The following PTPRG variants were observed in gnomAD, a reference collection of about 807,000 sequenced individuals.
PTPRG encodes the protein receptor-type tyrosine-protein phosphatase gamma.
Under a neutral mutation model 165.3 loss-of-function variants are expected in PTPRG, and 102 were observed. That is an observed-to-expected ratio of 0.62 (90% CI 0.53 to 0.73). PTPRG has a LOEUF of 0.73. PTPRG is among the 30% of genes least tolerant of loss of function. The pLI is 0.00. For missense variants in PTPRG, 1,866 were observed against 1,861.4 expected (o/e 1.00, Z -0.05); for synonymous variants, 675 against 669.5 (o/e 1.01, Z -0.13).
At chr3:61,610,951 T>C (rs1202486174) in intron 1 of PTPRG, among the ~76,000 whole-genome samples, 2 of 152,100 alleles carry the variant, frequency 1.3e-5, no homozygotes, top group African/African-American at 4.8e-5. Context: ...TCACTACATG[T>C]GTGTGCCACC....
intron 3 of PTPRG, among the ~76,000 whole-genome samples, chr3:61,997,086 C>G (rs7653099): frequency 0.011 from 1,710 of 152,302 alleles, 22 homozygotes; most frequent in African/African-American, 0.039. Context: ...CCACCTTGTT[C>G]ATCTCACTCA....
At chr3:61,991,998 G>A (rs2040904410) in intron 3 of PTPRG, among the ~76,000 whole-genome samples, 1 of 152,286 alleles carries the variant, frequency 6.6e-6, no homozygotes, top group Middle Eastern at 3.4e-3. Flanking sequence ...ATCTCTGAGT[G>A]CATGCACTTG....
At chr3:62,084,499 A>AG (rs1289414076) in intron 5 of PTPRG, among the ~76,000 whole-genome samples, 1 of 139,234 alleles carries the variant, frequency 7.2e-6, no homozygotes, top group African/African-American at 3.4e-5. Flanking sequence ...TTCAGAACTC[A>AG]AATGCTTTGC....
chr3:61,672,367 G>T (rs1703035448), intron 1 of PTPRG, among the ~76,000 whole-genome samples: 1 of 142,434 alleles, frequency 7.0e-6, no homozygotes, highest in Non-Finnish European at 1.5e-5. Context: ...GCCAAGGCAG[G>T]CTGCTGGGAG....
intron 2 of PTPRG, among the ~76,000 whole-genome samples, chr3:61,870,965 CA>C (rs1415733498): frequency 2.0e-5 from 3 of 152,002 alleles, no homozygotes; most frequent in Non-Finnish European, 4.4e-5. Context: ...ATATTCGAAT[CA>C]GGGGTTTCAG....
rs1421168107 is a variant in PTPRG at position 61,739,417 on chromosome 3, C to G, written c.86-9461C>G. On this transcript the variant is annotated intron_variant, in intron 1 of 29. Transcript: ENST00000474889. ...TTGTTACATTTTTAGTTTTATGAGG[C>G]TCATGTAGAAATTTTTCACTTGTGA... Among the ~76,000 whole-genome samples, 3 of 152,114 alleles carry G rather than the reference C, an allele frequency of 2.0e-5. No homozygotes were observed. In the East Asian group the frequency reaches 5.8e-4, roughly 29 times the overall value.
chr3:61,777,482 A>T (rs1457820855), intron 2 of PTPRG, among the ~76,000 whole-genome samples: 1 of 152,222 alleles, frequency 6.6e-6, no homozygotes, highest in Non-Finnish European at 1.5e-5. Flanking sequence ...CCCTGGGAAT[A>T]CCAAGATGCA....
At chr3:62,202,345 G>A (rs1700113667) in intron 11 of PTPRG, among the ~76,000 whole-genome samples, 1 of 152,180 alleles carries the variant, frequency 6.6e-6, no homozygotes, top group Non-Finnish European at 1.5e-5. Flanking sequence ...TGTACCTTGT[G>A]TAAGCTCTTT....
chr3:62,208,821 G>T (rs960976495), intron 12 of PTPRG, among the ~76,000 whole-genome samples: 5 of 152,226 alleles, frequency 3.3e-5, no homozygotes, highest in African/African-American at 1.2e-4. Flanking sequence ...GTGAACATTT[G>T]TGCTAGCCCT....
intron 5 of PTPRG, among the ~76,000 whole-genome samples, chr3:62,112,575 T>A (rs1484457486): frequency 6.6e-6 from 1 of 152,222 alleles, no homozygotes; most frequent in Non-Finnish European, 1.5e-5. Context: ...CTTTATAAGC[T>A]CCCAGTAGAT....
intron 2 of PTPRG, among the ~76,000 whole-genome samples, chr3:61,773,015 T>A (rs1050438174): frequency 2.6e-5 from 4 of 152,182 alleles, no homozygotes; most frequent in Admixed American, 2.6e-4. Context: ...AGAGGCAACA[T>A]TTGAAAAGCA....
intron 2 of PTPRG, among the ~76,000 whole-genome samples, chr3:61,936,516 A>T (rs150390051): frequency 1.2e-3 from 184 of 152,320 alleles, no homozygotes; most frequent in Middle Eastern, 3.4e-3. Flanking sequence ...AAGTAGTCAC[A>T]TTCAACCCCC....
intron 1 of PTPRG, among the ~76,000 whole-genome samples, chr3:61,563,368 C>T (rs1030981575): frequency 6.6e-6 from 1 of 152,082 alleles, no homozygotes; most frequent in South Asian, 2.1e-4. Context: ...GCTCGGCGAC[C>T]CTCCACTTCC....
chr3:62,055,439 T>G (rs961407670), intron 4 of PTPRG, among the ~76,000 whole-genome samples: 1 of 152,212 alleles, frequency 6.6e-6, no homozygotes, highest in African/African-American at 2.4e-5. Context: ...TTATCACAAC[T>G]GCTTTTCATA....
chr3:61,935,513 G>C (rs560091157), intron 2 of PTPRG, among the ~76,000 whole-genome samples: 1 of 152,194 alleles, frequency 6.6e-6, no homozygotes, highest in South Asian at 2.1e-4. Flanking sequence ...TCTTTCTCCA[G>C]ATGCAAAAAG....
chr3:62,004,464 A>C (rs1237726482), intron 4 of PTPRG, among the ~76,000 whole-genome samples: 1 of 152,238 alleles, frequency 6.6e-6, no homozygotes, highest in Non-Finnish European at 1.5e-5. Flanking sequence ...GCTGAAGTTC[A>C]CCAGACCATT....
intron 5 of PTPRG, among the ~76,000 whole-genome samples, chr3:62,105,567 A>C (rs1034157114): frequency 6.6e-6 from 1 of 152,296 alleles, no homozygotes; most frequent in Admixed American, 6.5e-5. Context: ...ACTTGTCTAG[A>C]GAGGCATTTA....
chr3:61,897,370 A>G (rs1371493049), intron 2 of PTPRG, among the ~76,000 whole-genome samples: 1 of 151,926 alleles, frequency 6.6e-6, no homozygotes, highest in African/African-American at 2.4e-5. Flanking sequence ...CATTAATTTT[A>G]TATCTTCATC....
chr3:62,072,525 C>T (rs1211376626), intron 4 of PTPRG, among the ~76,000 whole-genome samples: 1 of 152,024 alleles, frequency 6.6e-6, no homozygotes, highest in East Asian at 1.9e-4. Flanking sequence ...GAACTGGTCC[C>T]ATGATTGTGC....
Sources: allele counts gnomAD v4.1 joint callset (sites outside exome capture counted in the v4.1 genomes callset), GRCh38; gene constraint gnomAD v4.1.1; transcripts MANE v1.5; gene names NCBI Gene and HGNC (gene_info 2026-07-23, HGNC 2026-07-21).